The following SAMTOR variants were observed in gnomAD, a reference collection of about 807,000 sequenced individuals.
SAMTOR encodes the protein UPF0532 protein C7orf60.
At chr7:112,822,015 A>G in the SAMTOR span, 2 of 1,613,768 alleles carry the variant, frequency 1.2e-6, no homozygotes, top group Admixed American at 1.7e-5. Flanking sequence ...CCTAAATGCC[A>G]TCAGATGCAT....
At chr7:112,843,682 G>C in the SAMTOR span, among the ~76,000 whole-genome samples, 1 of 152,010 alleles carries the variant, frequency 6.6e-6, no homozygotes, top group South Asian at 2.1e-4. Context: ...CCCAGGACCA[G>C]ATGGATTCAC....
At chr7:112,832,954 A>C in the SAMTOR span, among the ~76,000 whole-genome samples, 1 of 152,160 alleles carries the variant, frequency 6.6e-6, no homozygotes, top group African/African-American at 2.4e-5. Flanking sequence ...TTAATTTTTT[A>C]AAAATTGAGA....
the SAMTOR span, among the ~76,000 whole-genome samples, chr7:112,847,930 G>C: frequency 6.6e-6 from 1 of 152,158 alleles, no homozygotes; most frequent in Non-Finnish European, 1.5e-5. Context: ...CTTGAGACCA[G>C]AAGTTCAAGA....
chr7:112,931,396 C>A, the SAMTOR span, among the ~76,000 whole-genome samples: 1 of 151,770 alleles, frequency 6.6e-6, no homozygotes, highest in Non-Finnish European at 1.5e-5. Flanking sequence ...GTTCTTGGAA[C>A]AGCCTTTTAT....
chr7:112,838,195 G>T, the SAMTOR span, among the ~76,000 whole-genome samples: 1 of 151,876 alleles, frequency 6.6e-6, no homozygotes, highest in Non-Finnish European at 1.5e-5. Context: ...TTTGCCACAA[G>T]TATTGATTGT....
the SAMTOR span, among the ~76,000 whole-genome samples, chr7:112,932,453 G>A: frequency 1.3e-5 from 2 of 152,038 alleles, no homozygotes; most frequent in Non-Finnish European, 2.9e-5. Flanking sequence ...GAAAACATGG[G>A]TATCCACAAG....
the SAMTOR span, among the ~76,000 whole-genome samples, chr7:112,889,025 G>T: frequency 1.3e-5 from 2 of 152,122 alleles, no homozygotes; most frequent in Non-Finnish European, 2.9e-5. Context: ...CATGGGAAGA[G>T]AAGTTTACAA....
At chr7:112,848,504 G>A in the SAMTOR span, among the ~76,000 whole-genome samples, 3 of 152,100 alleles carry the variant, frequency 2.0e-5, no homozygotes, top group Admixed American at 6.6e-5. Flanking sequence ...TTAGGTAGAC[G>A]AGTATACAAA....
At chr7:112,857,210 G>A in the SAMTOR span, among the ~76,000 whole-genome samples, 2 of 148,530 alleles carry the variant, frequency 1.3e-5, no homozygotes, top group Non-Finnish European at 3.0e-5. Flanking sequence ...TCCTGCCTCA[G>A]CCTCCCGAGT....
At chr7:112,837,265 C>T in the SAMTOR span, among the ~76,000 whole-genome samples, 1 of 151,806 alleles carries the variant, frequency 6.6e-6, no homozygotes, top group Non-Finnish European at 1.5e-5. Flanking sequence ...AGGAATGCTG[C>T]TGATTTTTGT....
the SAMTOR span, among the ~76,000 whole-genome samples, chr7:112,893,029 T>C: frequency 6.6e-6 from 1 of 152,206 alleles, no homozygotes; most frequent in African/African-American, 2.4e-5. Context: ...TGTGCTGTCA[T>C]CTAGGCTTTG....
the SAMTOR span, among the ~76,000 whole-genome samples, chr7:112,825,591 A>G: frequency 2.0e-5 from 3 of 152,212 alleles, no homozygotes; most frequent in Non-Finnish European, 2.9e-5. Flanking sequence ...TTTGAAGATT[A>G]CACAGAAAAA....
the SAMTOR span, among the ~76,000 whole-genome samples, chr7:112,867,480 T>C: frequency 7.9e-5 from 12 of 152,208 alleles, no homozygotes; most frequent in Non-Finnish European, 4.4e-5. Flanking sequence ...ATATTACTCT[T>C]ATAAAAATTT....
the SAMTOR span, among the ~76,000 whole-genome samples, chr7:112,908,910 A>C: frequency 6.6e-6 from 1 of 152,182 alleles, no homozygotes; most frequent in Non-Finnish European, 1.5e-5. Context: ...GTTAGAACCA[A>C]GATAGCTGAC....
the SAMTOR span, among the ~76,000 whole-genome samples, chr7:112,892,493 G>A: frequency 6.6e-6 from 1 of 152,244 alleles, no homozygotes; most frequent in Admixed American, 6.5e-5. Flanking sequence ...CTTGAGCCAG[G>A]CTCAGTGACT....
chr7:112,832,102 C>T, the SAMTOR span, among the ~76,000 whole-genome samples: 1 of 151,824 alleles, frequency 6.6e-6, no homozygotes, highest in African/African-American at 2.4e-5. Flanking sequence ...ACCTCCGCCT[C>T]CCGGGTTCAA....
At chr7:112,908,518 CACAA>C in the SAMTOR span, among the ~76,000 whole-genome samples, 1 of 152,184 alleles carries the variant, frequency 6.6e-6, no homozygotes, top group Non-Finnish European at 1.5e-5. Flanking sequence ...TTACTATACA[CACAA>C]ACAGACACAT....
chr7:112,857,205 C>T, the SAMTOR span, among the ~76,000 whole-genome samples: 3 of 150,030 alleles, frequency 2.0e-5, no homozygotes, highest in South Asian at 2.1e-4. Context: ...CATTCTCCTG[C>T]CTCAGCCTCC....
chr7:112,866,143 A>G, the SAMTOR span, among the ~76,000 whole-genome samples: 6 of 152,154 alleles, frequency 3.9e-5, no homozygotes, highest in African/African-American at 1.4e-4. Flanking sequence ...CTAAAATATA[A>G]TTTAGGTAAT....
Sources: allele counts gnomAD v4.1 joint callset (sites outside exome capture counted in the v4.1 genomes callset), GRCh38; gene constraint gnomAD v4.1.1; transcripts MANE v1.5; gene names NCBI Gene and HGNC (gene_info 2026-07-23, HGNC 2026-07-21).